Variants in ERC2 observed in about 807,000 individuals in gnomAD.
The protein encoded by ERC2 is ELKS/RAB6-interacting/CAST family member 2.
Under a neutral mutation model 114.8 loss-of-function variants are expected in ERC2, and 42 were observed. That is an observed-to-expected ratio of 0.37 (90% CI 0.29 to 0.47). The LOEUF (loss-of-function observed/expected upper bound fraction) is 0.47, where lower values mean the gene tolerates loss of function less well. ERC2 is among the 20% of genes least tolerant of loss of function. ERC2 has a pLI of 0.99. For synonymous variants in ERC2, 454 were observed against 425.5 expected, an observed-to-expected ratio of 1.07 and a Z score of -0.82; for missense variants, 939 against 1,150.7, an observed-to-expected ratio of 0.82 and a Z score of 2.66.
chr3:55,978,654 C>T (rs1559965003), intron 12 of ERC2, among the ~76,000 whole-genome samples: 1 of 152,180 alleles, frequency 6.6e-6, no homozygotes, highest in Non-Finnish European at 1.5e-5. Flanking sequence ...CAACCACATG[C>T]ACATGAGAGG....
In ERC2 at chr3:56,213,760, CCCCCCAG is replaced by C. The variant is rs2049247221; in HGVS notation, c.1075-40247_1075-40241del. ...TCCCGAGTAGCGTAACTGGGAGGCA[CCCCCCAG>C]TAGGGGCAGACTGACACTTCATACA... On this transcript the variant is annotated intron_variant, in intron 3 of 17. Coordinates refer to ENST00000288221, the MANE Select transcript of ERC2 (RefSeq NM_015576.3). 2.0e-5 allele frequency among the ~76,000 whole-genome samples: 3 copies of C among 152,274 alleles called. No individual in the cohort carries two copies. In the South Asian group the frequency reaches 6.2e-4, roughly 32 times the overall value.
intron 17 of ERC2, among the ~76,000 whole-genome samples, chr3:55,578,684 G>A (rs1442081231): frequency 6.6e-6 from 1 of 152,134 alleles, no homozygotes; most frequent in Non-Finnish European, 1.5e-5. Flanking sequence ...ATTTATTATT[G>A]CTCATGAGTC....
intron 3 of ERC2, among the ~76,000 whole-genome samples, chr3:56,191,400 A>G (rs2047771615): frequency 6.6e-6 from 1 of 152,158 alleles, no homozygotes; most frequent in Admixed American, 6.5e-5. Flanking sequence ...CGGCTGAAAT[A>G]ACAGCACCTA....
At chr3:55,993,702 T>C (rs1173709773) in intron 10 of ERC2, among the ~76,000 whole-genome samples, 2 of 151,592 alleles carry the variant, frequency 1.3e-5, no homozygotes, top group Non-Finnish European at 2.9e-5. Context: ...AAGAAAAATA[T>C]GTCAATTCAA....
chr3:55,612,783 G>C (rs1332430841), intron 17 of ERC2: 3 of 152,106 alleles, frequency 2.0e-5, no homozygotes, highest in Non-Finnish European at 4.4e-5. Context: ...AGAATTGTGC[G>C]ATCAGCACCA....
chr3:55,962,036 T>C (rs2068422000), intron 12 of ERC2, among the ~76,000 whole-genome samples: 1 of 152,136 alleles, frequency 6.6e-6, no homozygotes, highest in African/African-American at 2.4e-5. Context: ...TGAATACTAG[T>C]GAGTACTGTT....
At chr3:55,615,270 CACAG>C (rs1559746273) in intron 17 of ERC2, among the ~76,000 whole-genome samples, 1 of 152,192 alleles carries the variant, frequency 6.6e-6, no homozygotes, top group Non-Finnish European at 1.5e-5. Flanking sequence ...CTGTGTAAAT[CACAG>C]ACAAAGTTGA....
intron 12 of ERC2, among the ~76,000 whole-genome samples, chr3:55,956,822 C>T (rs1418216324): frequency 6.6e-6 from 1 of 152,134 alleles, no homozygotes; most frequent in Non-Finnish European, 1.5e-5. Flanking sequence ...AGCCCACATC[C>T]CCACATTTTC....
At position 55,510,206 on chromosome 3, in the gene ERC2, A is replaced by T. The variant is rs1330928166; in HGVS notation, c.*1110T>A. 6.6e-6 allele frequency: 1 copy of T among 152,278 alleles called. No individual in the cohort carries two copies. Among genetic ancestry groups the T allele is most frequent in the South Asian group, 2.1e-4 (1 of 4,814 alleles). 9.4% of individuals were successfully genotyped at this position (152,278 alleles called of 1,614,324 possible). On this transcript the variant is annotated 3_prime_UTR_variant, in exon 18 of 18. Transcript: ENST00000288221. ...CTTTTGTGATTGTTCCTCATTCATC[A>T]ATGTTTTCATGTTTGATGCTGAAAA...
At chr3:55,639,468 A>C (rs1441610248) in intron 17 of ERC2, among the ~76,000 whole-genome samples, 3 of 152,148 alleles carry the variant, frequency 2.0e-5, no homozygotes, top group Non-Finnish European at 2.9e-5. Flanking sequence ...GGAGGGAGAG[A>C]AAGTATAGGC....
chr3:55,696,516 T>C (rs2062937559), intron 16 of ERC2, among the ~76,000 whole-genome samples: 1 of 152,244 alleles, frequency 6.6e-6, no homozygotes, highest in Non-Finnish European at 1.5e-5. Flanking sequence ...ACTCTCATGC[T>C]TTCATATGGC....
chr3:55,653,354 A>G (rs960700658), intron 17 of ERC2, among the ~76,000 whole-genome samples: 1 of 152,212 alleles, frequency 6.6e-6, no homozygotes, highest in Non-Finnish European at 1.5e-5. Flanking sequence ...AATAGTGATC[A>G]CAGCAACAAC....
rs149194574 is a variant in ERC2 at position 55,905,882 on chromosome 3, C to A, written c.2404-17333G>T. 3.5e-4 allele frequency among the ~76,000 whole-genome samples: 53 copies of A among 152,254 alleles called. No homozygotes were observed. The Middle Eastern group carries it at 0.01, about 29-fold the overall frequency. Reference sequence around the variant, plus strand: ...CACCTCCCAAAGGCCCTTCTGAGTCCCTTCAGATAAAGGAGCTGCCTGCCT... The same window carrying A: ...CACCTCCCAAAGGCCCTTCTGAGTCACTTCAGATAAAGGAGCTGCCTGCCT... On this transcript the variant is annotated intron_variant, in intron 13 of 17. Coordinates refer to ENST00000288221, the MANE Select transcript of ERC2 (RefSeq NM_015576.3).
At chr3:55,835,627 A>C (rs1575775825) in intron 14 of ERC2, among the ~76,000 whole-genome samples, 2 of 152,250 alleles carry the variant, frequency 1.3e-5, no homozygotes, top group African/African-American at 4.8e-5. Context: ...CTATCTATGA[A>C]AAACACACAG....
At chr3:56,111,344 C>A (rs1361938467) in intron 6 of ERC2, among the ~76,000 whole-genome samples, 1 of 145,352 alleles carries the variant, frequency 6.9e-6, no homozygotes. Context: ...AATCTCTCTC[C>A]CTCAATCTCT....
intron 12 of ERC2, among the ~76,000 whole-genome samples, chr3:55,951,468 C>A (rs775019251): frequency 6.6e-6 from 1 of 152,076 alleles, no homozygotes; most frequent in Non-Finnish European, 1.5e-5. Flanking sequence ...GAGTAAAAGA[C>A]TAAAGATAAA....
chr3:56,172,592 A>C (rs761340290), intron 4 of ERC2, among the ~76,000 whole-genome samples: 10 of 152,218 alleles, frequency 6.6e-5, no homozygotes, highest in Non-Finnish European at 1.3e-4. Context: ...TGAGTTTTAC[A>C]CTTGAGCGTG....
At chr3:55,545,784 C>T (rs574434009) in intron 17 of ERC2, among the ~76,000 whole-genome samples, 2 of 152,220 alleles carry the variant, frequency 1.3e-5, no homozygotes, top group African/African-American at 4.8e-5. Context: ...CCCACTGGGC[C>T]GGGTCCTCCT....
At chr3:55,644,563 C>G (rs1226976732) in intron 17 of ERC2, among the ~76,000 whole-genome samples, 2 of 152,080 alleles carry the variant, frequency 1.3e-5, no homozygotes, top group African/African-American at 4.8e-5. Flanking sequence ...CATATGGTCA[C>G]TGTCAGGGAC....
Sources: gnomAD v4.1 joint callset for allele counts (sites outside exome capture counted in the v4.1 genomes callset) on GRCh38, gnomAD v4.1.1 for gene constraint, MANE v1.5 for transcripts, NCBI Gene and HGNC (gene_info 2026-07-23, HGNC 2026-07-21) for gene names.